The following RBMS1 variants were observed in gnomAD, a reference collection of about 807,000 sequenced individuals.
RBMS1 encodes RNA binding motif single stranded interacting protein 1.
In RBMS1, 17 loss-of-function variants were observed where a neutral mutation model predicts 62.3. The observed-to-expected ratio is 0.27, with a 90% CI of 0.19 to 0.41. The LOEUF is 0.41. Ranked by LOEUF, RBMS1 falls within the 10% of genes least tolerant of loss-of-function variation. The pLI is 1.00. For missense variants in RBMS1, 334 were observed against 504.5 expected (o/e 0.66, Z 3.24); for synonymous variants, 172 against 170.0 (o/e 1.01, Z -0.09).
intron 2 of RBMS1, among the ~76,000 whole-genome samples, chr2:160,331,105 C>G (rs1315112952): frequency 6.6e-6 from 1 of 152,130 alleles, no homozygotes; most frequent in Non-Finnish European, 1.5e-5. Flanking sequence ...GGGAGCATGG[C>G]CCTGCTGACA....
chr2:160,311,232 C>CTATATATCTATATATCTATATCTA (rs1689866017), intron 4 of RBMS1, among the ~76,000 whole-genome samples: 9 of 79,256 alleles, frequency 1.1e-4, no homozygotes, highest in East Asian at 3.2e-4. Flanking sequence ...ATCTATCTAT[C>CTATATATCTATATATCTATATCTA]TATATATATA....
intron 2 of RBMS1, among the ~76,000 whole-genome samples, chr2:160,361,067 T>G (rs1693103637): frequency 6.6e-6 from 1 of 152,246 alleles, no homozygotes; most frequent in Non-Finnish European, 1.5e-5. Flanking sequence ...TATGTTTTAC[T>G]GCACTTGGAA....
chr2:160,426,504 A>C (rs1018970414), intron 1 of RBMS1, among the ~76,000 whole-genome samples: 55 of 152,308 alleles, frequency 3.6e-4, no homozygotes, highest in African/African-American at 1.3e-3. Flanking sequence ...AATGTTTTTA[A>C]TGTTTATATT....
At chr2:160,375,373 A>G (rs60895301) in intron 1 of RBMS1, among the ~76,000 whole-genome samples, 3,224 of 152,312 alleles carry the variant, frequency 0.021, 121 homozygotes, top group African/African-American at 0.072. Context: ...AAAATATTCT[A>G]AATATGTAAG....
At chr2:160,484,543 AAGG>A (rs1372489338) in intron 1 of RBMS1, among the ~76,000 whole-genome samples, 1 of 150,450 alleles carries the variant, frequency 6.6e-6, no homozygotes, top group African/African-American at 2.4e-5. Context: ...TCGGATTCTC[AAGG>A]AGGTCTAGGG....
chr2:160,417,707 G>A (rs1696260846), intron 1 of RBMS1, among the ~76,000 whole-genome samples: 1 of 152,176 alleles, frequency 6.6e-6, no homozygotes, highest in African/African-American at 2.4e-5. Flanking sequence ...GTGAGTCTTA[G>A]AATCTATAAA....
intron 7 of RBMS1, 23 bp downstream of exon 7, chr2:160,286,946 C>T: frequency 6.2e-7 from 1 of 1,608,552 alleles, no homozygotes. Flanking sequence ...CCCCACCCCG[C>T]AAAGTTTCAA....
At chr2:160,490,486 A>G (rs1023874325) in intron 1 of RBMS1, among the ~76,000 whole-genome samples, 1 of 151,782 alleles carries the variant, frequency 6.6e-6, no homozygotes, top group African/African-American at 2.4e-5. Flanking sequence ...TTTTCTAATG[A>G]TTTTTTTTCT....
intron 1 of RBMS1, among the ~76,000 whole-genome samples, chr2:160,454,906 C>T (rs1288646944): frequency 6.6e-6 from 1 of 152,122 alleles, no homozygotes. Flanking sequence ...TTTCAGTATA[C>T]TTAGTATAAT....
intron 2 of RBMS1, among the ~76,000 whole-genome samples, chr2:160,330,515 A>G (rs893418082): frequency 1.3e-5 from 2 of 152,226 alleles, no homozygotes; most frequent in Non-Finnish European, 2.9e-5. Flanking sequence ...AGTCAATAAA[A>G]TAACATTCAC....
chr2:160,342,071 C>A (rs569254676), intron 2 of RBMS1, among the ~76,000 whole-genome samples: 1 of 152,144 alleles, frequency 6.6e-6, no homozygotes. Context: ...AAATATCTGA[C>A]CCTTCTCCTC....
chr2:160,342,381 G>A (rs1691917939), intron 2 of RBMS1, among the ~76,000 whole-genome samples: 1 of 152,074 alleles, frequency 6.6e-6, no homozygotes, highest in Admixed American at 6.6e-5. Flanking sequence ...CTCCTCTTAA[G>A]ACTAAGTTAG....
At chr2:160,384,129 G>T (rs187321829) in intron 1 of RBMS1, among the ~76,000 whole-genome samples, 1 of 152,286 alleles carries the variant, frequency 6.6e-6, no homozygotes, top group Non-Finnish European at 1.5e-5. Flanking sequence ...CCTGGGAGGC[G>T]GAGCTTGCAG....
intron 1 of RBMS1, among the ~76,000 whole-genome samples, chr2:160,370,356 C>T (rs929993184): frequency 3.3e-5 from 5 of 152,118 alleles, no homozygotes; most frequent in African/African-American, 4.8e-5. Context: ...GAAACTGGGC[C>T]GGGCGCAGTG....
intron 1 of RBMS1, among the ~76,000 whole-genome samples, chr2:160,423,083 T>A (rs1696497407): frequency 6.6e-6 from 1 of 152,216 alleles, no homozygotes; most frequent in Admixed American, 6.5e-5. Flanking sequence ...ATAGCTTCTC[T>A]GTGTTCAAGA....
At chr2:160,437,957 G>T (rs1180103901) in intron 1 of RBMS1, among the ~76,000 whole-genome samples, 1 of 13,838 alleles carries the variant, frequency 7.2e-5, no homozygotes, top group Non-Finnish European at 4.2e-4. Context: ...GAATCACCTT[G>T]TTCATCCACT....
At chr2:160,303,905 T>C (rs1405994211) in intron 4 of RBMS1, among the ~76,000 whole-genome samples, 4 of 152,216 alleles carry the variant, frequency 2.6e-5, no homozygotes, top group Non-Finnish European at 5.9e-5. Context: ...TGAAGGATTC[T>C]GGACCAAGTC....
At chr2:160,455,589 G>C (rs573451509) in intron 1 of RBMS1, among the ~76,000 whole-genome samples, 1 of 152,008 alleles carries the variant, frequency 6.6e-6, no homozygotes, top group South Asian at 2.1e-4. Context: ...TGCCTGGAGA[G>C]GACACCAAAG....
chr2:160,351,302 T>C (rs1364413597), intron 2 of RBMS1, among the ~76,000 whole-genome samples: 2 of 151,704 alleles, frequency 1.3e-5, no homozygotes, highest in Non-Finnish European at 2.9e-5. Context: ...ATTGTGTACA[T>C]GTACCCTAGA....
Sources: gnomAD v4.1 joint callset for allele counts (sites outside exome capture counted in the v4.1 genomes callset) on GRCh38, gnomAD v4.1.1 for gene constraint, MANE v1.5 for transcripts, NCBI Gene and HGNC (gene_info 2026-07-23, HGNC 2026-07-21) for gene names.